GPHN: variants seen among roughly 807,000 people sequenced by gnomAD.
GPHN encodes gephyrin.
Under a neutral mutation model 95.5 loss-of-function variants are expected in GPHN, and 17 were observed. The ratio of observed to expected loss-of-function variants is 0.18; its 90% CI spans 0.12 to 0.27. The LOEUF (loss-of-function observed/expected upper bound fraction) is 0.27, where lower values mean the gene tolerates loss of function less well. Ranked by LOEUF, GPHN falls within the 10% of genes least tolerant of loss-of-function variation. GPHN has a pLI of 1.00. For synonymous variants in GPHN, 320 were observed against 322.5 expected, an observed-to-expected ratio of 0.99 and a Z score of 0.08; for missense variants, 660 against 978.1, an observed-to-expected ratio of 0.67 and a Z score of 4.34.
the GPHN span, among the ~76,000 whole-genome samples, chr14:67,679,990 CAAGT>C: frequency 2.6e-5 from 4 of 152,148 alleles, no homozygotes; most frequent in Non-Finnish European, 1.5e-5. Context: ...AACACTATGT[CAAGT>C]AAGACAGTGG....
chr14:66,817,202 AAAT>A (rs1439069881), intron 3 of GPHN, among the ~76,000 whole-genome samples: 3 of 152,054 alleles, frequency 2.0e-5, no homozygotes, highest in African/African-American at 7.2e-5. Flanking sequence ...ATGGTTTTTA[AAAT>A]AATATATATG....
chr14:67,376,837 A>G, the GPHN span, among the ~76,000 whole-genome samples: 1 of 152,190 alleles, frequency 6.6e-6, no homozygotes, highest in Non-Finnish European at 1.5e-5. Flanking sequence ...CTAAGTGGCT[A>G]TGGGACTAAA....
At chr14:67,224,742 C>A in the GPHN span, 2 of 263,594 alleles carry the variant, frequency 7.6e-6, no homozygotes, top group South Asian at 3.6e-5. Context: ...AGAAAAATCA[C>A]ATAAAATATT....
chr14:67,018,735 G>A (rs143216450), intron 9 of GPHN, among the ~76,000 whole-genome samples: 1 of 152,276 alleles, frequency 6.6e-6, no homozygotes, highest in East Asian at 1.9e-4. Flanking sequence ...AGCTGTCAGT[G>A]GCACCACTGA....
chr14:67,456,843 G>A, the GPHN span, among the ~76,000 whole-genome samples: 1 of 152,138 alleles, frequency 6.6e-6, no homozygotes, highest in African/African-American at 2.4e-5. Context: ...GTTCATTACA[G>A]CACTATTCAC....
the GPHN span, among the ~76,000 whole-genome samples, chr14:67,349,872 C>T: frequency 1.3e-5 from 2 of 152,124 alleles, no homozygotes; most frequent in African/African-American, 4.8e-5. Flanking sequence ...TTCAAAGGGC[C>T]TTATTAAGGC....
chr14:67,720,175 G>A, the GPHN span, among the ~76,000 whole-genome samples: 5 of 152,222 alleles, frequency 3.3e-5, no homozygotes, highest in African/African-American at 1.2e-4. Context: ...TCTCATATGA[G>A]TGAGGGTGAA....
chr14:67,617,877 T>G, the GPHN span, among the ~76,000 whole-genome samples: 1 of 152,198 alleles, frequency 6.6e-6, no homozygotes, highest in African/African-American at 2.4e-5. Flanking sequence ...CCCGCCACCA[T>G]GCCCAGCTTT....
At chr14:66,516,681 T>C (rs1462519060) in intron 1 of GPHN, among the ~76,000 whole-genome samples, 1 of 152,260 alleles carries the variant, frequency 6.6e-6, no homozygotes, top group Non-Finnish European at 1.5e-5. Context: ...AAATCCACTC[T>C]ATGAGTGAAA....
chr14:67,628,220 T>G, the GPHN span, among the ~76,000 whole-genome samples: 1 of 152,140 alleles, frequency 6.6e-6, no homozygotes, highest in Non-Finnish European at 1.5e-5. Flanking sequence ...ATATTGCAGA[T>G]TCTTTTATTT....
At chr14:66,545,167 G>GC (rs1307583712) in intron 1 of GPHN, among the ~76,000 whole-genome samples, 9 of 147,374 alleles carry the variant, frequency 6.1e-5, no homozygotes, top group East Asian at 4.2e-4. Context: ...GGGCAGAGGC[G>GC]CCCCCCACCT....
the GPHN span, among the ~76,000 whole-genome samples, chr14:67,329,487 T>G: frequency 2.0e-5 from 3 of 152,194 alleles, no homozygotes; most frequent in South Asian, 4.1e-4. Flanking sequence ...CCTGCCTGAT[T>G]GCCCTGGCCA....
the GPHN span, among the ~76,000 whole-genome samples, chr14:67,678,727 T>C: frequency 6.6e-6 from 1 of 152,136 alleles, no homozygotes; most frequent in Non-Finnish European, 1.5e-5. Context: ...CTGACACCCA[T>C]GTATATCCAT....
the GPHN span, among the ~76,000 whole-genome samples, chr14:67,319,057 CA>C: frequency 1.6e-3 from 186 of 113,918 alleles, no homozygotes; most frequent in Non-Finnish European, 1.4e-3. Flanking sequence ...GACTCCGTCT[CA>C]AAAAAAAAAA....
At chr14:66,796,769 G>T (rs1292343581) in intron 3 of GPHN, among the ~76,000 whole-genome samples, 1 of 151,776 alleles carries the variant, frequency 6.6e-6, no homozygotes, top group East Asian at 1.9e-4. Flanking sequence ...CCATTCTGTG[G>T]GTTGTCTCTT....
At chr14:66,572,939 G>A (rs1000552789) in intron 1 of GPHN, among the ~76,000 whole-genome samples, 3 of 152,084 alleles carry the variant, frequency 2.0e-5, no homozygotes, top group East Asian at 1.9e-4. Flanking sequence ...CTTTTATAAC[G>A]CATTGTTTTA....
At chr14:67,463,638 C>CAA in the GPHN span, among the ~76,000 whole-genome samples, 37 of 54,844 alleles carry the variant, frequency 6.7e-4, no homozygotes, top group African/African-American at 1.0e-3. Flanking sequence ...GACTCCGTCT[C>CAA]AAAAAAAAAA....
intron 1 of GPHN, among the ~76,000 whole-genome samples, chr14:66,619,116 A>G (rs2063175871): frequency 6.6e-6 from 1 of 152,144 alleles, no homozygotes; most frequent in South Asian, 2.1e-4. Flanking sequence ...TTCATATTCC[A>G]TTATATGAAT....
intron 1 of GPHN, among the ~76,000 whole-genome samples, chr14:66,540,407 C>T (rs1449933876): frequency 6.6e-6 from 1 of 152,184 alleles, no homozygotes; most frequent in African/African-American, 2.4e-5. Flanking sequence ...GTGGATGATG[C>T]TCCTTTTGAA....
Sources: gnomAD v4.1 joint callset for allele counts (sites outside exome capture counted in the v4.1 genomes callset) on GRCh38, gnomAD v4.1.1 for gene constraint, MANE v1.5 for transcripts, NCBI Gene and HGNC (gene_info 2026-07-23, HGNC 2026-07-21) for gene names.